PRELID2: variants seen among roughly 807,000 people sequenced by gnomAD.
PRELID2 encodes PRELI domain containing 2.
Under a neutral mutation model 28.4 loss-of-function variants are expected in PRELID2, and 25 were observed. The observed-to-expected ratio is 0.88, with a 90% CI of 0.64 to 1.23. The LOEUF is 1.23. Ranked by LOEUF, PRELID2 falls within the 50% of genes most tolerant of loss-of-function variation. The pLI is 0.00. For synonymous variants in PRELID2, 76 were observed against 71.6 expected, an observed-to-expected ratio of 1.06 and a Z score of -0.31; for missense variants, 201 against 214.4, an observed-to-expected ratio of 0.94 and a Z score of 0.39.
At chr5:145,260,251 T>C in the PRELID2 span, among the ~76,000 whole-genome samples, 1 of 152,166 alleles carries the variant, frequency 6.6e-6, no homozygotes, top group Non-Finnish European at 1.5e-5. Context: ...CAGTCCCAGG[T>C]ATTTCTTTAA....
intron 1 of PRELID2, among the ~76,000 whole-genome samples, chr5:145,628,612 C>A (rs555464575): frequency 2.1e-4 from 32 of 152,296 alleles, no homozygotes; most frequent in Non-Finnish European, 2.8e-4. Flanking sequence ...GCATGAGCCA[C>A]CGCACCCAGC....
chr5:145,781,967 G>C (rs570270367), intron 5 of PRELID2, among the ~76,000 whole-genome samples: 1 of 151,986 alleles, frequency 6.6e-6, no homozygotes, highest in Non-Finnish European at 1.5e-5. Context: ...AAAAGAGTGA[G>C]AGAAGAGGTT....
the PRELID2 span, among the ~76,000 whole-genome samples, chr5:145,397,045 G>A: frequency 6.6e-6 from 1 of 152,110 alleles, no homozygotes; most frequent in African/African-American, 2.4e-5. Flanking sequence ...TGCAATGATA[G>A]TCTACTGCTA....
At chr5:145,782,872 T>C (rs181331775) in intron 5 of PRELID2, among the ~76,000 whole-genome samples, 1 of 152,160 alleles carries the variant, frequency 6.6e-6, no homozygotes. Context: ...GAATTTTTTT[T>C]AAAAAGTCAT....
At chr5:145,604,888 T>C (rs74490779) in intron 1 of PRELID2, among the ~76,000 whole-genome samples, 5,888 of 141,566 alleles carry the variant, frequency 0.042, 570 homozygotes, top group African/African-American at 0.15. Flanking sequence ...TGGCCATATA[T>C]ATATATATAT....
chr5:145,524,277 C>T (rs1752588162), intron 1 of PRELID2, among the ~76,000 whole-genome samples: 1 of 152,204 alleles, frequency 6.6e-6, no homozygotes, highest in South Asian at 2.1e-4. Flanking sequence ...CACTTGCTTT[C>T]AGCCCATCTC....
the PRELID2 span, among the ~76,000 whole-genome samples, chr5:145,414,208 G>A: frequency 1.3e-5 from 2 of 152,142 alleles, no homozygotes; most frequent in African/African-American, 4.8e-5. Flanking sequence ...TTGACTGTTT[G>A]TTAAAGAAAG....
chr5:145,731,994 C>A (rs1380692905), intron 1 of PRELID2, among the ~76,000 whole-genome samples: 1 of 152,198 alleles, frequency 6.6e-6, no homozygotes, highest in Non-Finnish European at 1.5e-5. Context: ...GCTATACCTG[C>A]ATACCAGTCT....
At chr5:145,803,583 T>C (rs1753292415) in intron 4 of PRELID2, among the ~76,000 whole-genome samples, 1 of 152,106 alleles carries the variant, frequency 6.6e-6, no homozygotes, top group African/African-American at 2.4e-5. Context: ...ATAATACCTA[T>C]TTCATGAGTT....
chr5:145,420,793 G>A, the PRELID2 span, among the ~76,000 whole-genome samples: 1,120 of 62,702 alleles, frequency 0.018, 4 homozygotes, highest in African/African-American at 0.038. Context: ...GTGAGAGAGG[G>A]CATCCCTGTC....
At chr5:145,383,161 C>T in the PRELID2 span, among the ~76,000 whole-genome samples, 461 of 151,366 alleles carry the variant, frequency 3.0e-3, 3 homozygotes, top group Middle Eastern at 0.041. Flanking sequence ...AAAGCAAACC[C>T]AAAATCTAGC....
At chr5:145,549,078 C>A (rs1204145614) in intron 1 of PRELID2, among the ~76,000 whole-genome samples, 1 of 152,196 alleles carries the variant, frequency 6.6e-6, no homozygotes, top group Non-Finnish European at 1.5e-5. Context: ...TGCTCATCTT[C>A]TCCAGAAAGT....
intron 1 of PRELID2, among the ~76,000 whole-genome samples, chr5:145,564,746 T>C (rs990733616): frequency 6.6e-6 from 1 of 152,212 alleles, no homozygotes; most frequent in African/African-American, 2.4e-5. Context: ...AATATTCCAA[T>C]TGATGGAAGA....
In PRELID2 at chr5:145,757,025, A is replaced by G. The variant is rs1305057749; in HGVS notation, c.*3511T>C. On this transcript the variant is annotated 3_prime_UTR_variant, in exon 7 of 7. Transcript: ENST00000683046. ...GAAAAGATTTAATTATCCCCAGTAGACTGTGTTTGCAAAAGCAGAGAAATG... is the reference window on the plus strand; with the variant it reads ...GAAAAGATTTAATTATCCCCAGTAGGCTGTGTTTGCAAAAGCAGAGAAATG... Among the ~76,000 whole-genome samples the G allele has an allele frequency of 6.6e-6, 1 of 152,326 alleles. No individual in the cohort carries two copies.
Position 145,758,147 on chromosome 5 carries a change from G to A in PRELID2, c.*2389C>T, listed in dbSNP as rs887308002. Among the ~76,000 whole-genome samples the A allele has an allele frequency of 6.6e-6, 1 of 151,948 alleles. No homozygotes were observed. Among genetic ancestry groups the A allele is most frequent in the South Asian group, 2.1e-4 (1 of 4,816 alleles). On this transcript the variant is annotated 3_prime_UTR_variant, in exon 7 of 7. Coordinates refer to ENST00000683046, the MANE Select transcript of PRELID2 (RefSeq NM_205846.3). ...TGTTTTAAACAATTCTGAATTGGTT[G>A]CCAATAAAAAACTAGGAGATTTTTT...
At chr5:145,497,636 A>C (rs1277965029) in intron 1 of PRELID2, among the ~76,000 whole-genome samples, 1 of 152,176 alleles carries the variant, frequency 6.6e-6, no homozygotes, top group East Asian at 1.9e-4. Context: ...TCTAATGGCC[A>C]CCGATCCACA....
At chr5:145,522,573 A>C (rs1397925181) in intron 1 of PRELID2, among the ~76,000 whole-genome samples, 1 of 152,208 alleles carries the variant, frequency 6.6e-6, no homozygotes, top group Non-Finnish European at 1.5e-5. Context: ...CGTGTATGCC[A>C]GAACATGATG....
the PRELID2 span, among the ~76,000 whole-genome samples, chr5:145,288,196 C>A: frequency 6.6e-6 from 1 of 152,132 alleles, no homozygotes; most frequent in Non-Finnish European, 1.5e-5. Context: ...CTATAAGAAG[C>A]ATACACTTTA....
intron 2 of PRELID2, among the ~76,000 whole-genome samples, chr5:145,822,623 T>C (rs1754909571): frequency 6.6e-6 from 1 of 152,226 alleles, no homozygotes; most frequent in African/African-American, 2.4e-5. Context: ...CAAAATGATA[T>C]AATAGGCTAC....
Sources: gnomAD v4.1 joint callset for allele counts (sites outside exome capture counted in the v4.1 genomes callset) on GRCh38, gnomAD v4.1.1 for gene constraint, MANE v1.5 for transcripts, NCBI Gene and HGNC (gene_info 2026-07-23, HGNC 2026-07-21) for gene names.